The following FAM114A1 variants were observed in gnomAD, a reference collection of about 807,000 sequenced individuals.
FAM114A1 encodes family with sequence similarity 114 member A1.
In FAM114A1, 62 loss-of-function variants were observed where a neutral mutation model predicts 64.3. The ratio of observed to expected loss-of-function variants is 0.96; its 90% CI spans 0.79 to 1.19. FAM114A1 has a LOEUF of 1.19. FAM114A1 is among the 50% of genes most tolerant of loss of function. The pLI is 0.00. For synonymous variants in FAM114A1, 254 were observed against 251.1 expected, an observed-to-expected ratio of 1.01 and a Z score of -0.11; for missense variants, 645 against 676.3, an observed-to-expected ratio of 0.95 and a Z score of 0.51.
At chr4:38,879,884 T>C (rs2890686) in intron 3 of FAM114A1, among the ~76,000 whole-genome samples, 42,119 of 151,644 alleles carry the variant, frequency 0.28, 6,201 homozygotes, top group African/African-American at 0.32. Context: ...GCCTGGGCAA[T>C]GTGGCGAACC....
chr4:38,897,951 A>C (rs910752813), intron 4 of FAM114A1, among the ~76,000 whole-genome samples: 67 of 152,132 alleles, frequency 4.4e-4, no homozygotes, highest in Non-Finnish European at 4.9e-4. Context: ...GTTTCAAAAA[A>C]AAAAAAAGAA....
chr4:38,940,877 T>A, intron 13 of FAM114A1, 91 bp from the exon 14 acceptor site: 1 of 1,314,642 alleles, frequency 7.6e-7, no homozygotes. Flanking sequence ...CTGCAAGAGA[T>A]CCCTCAACAA....
chr4:38,924,020 C>T lies in FAM114A1; in HGVS notation c.1069+1127C>T, dbSNP rs987607408. On this transcript the variant is annotated intron_variant, in intron 9 of 14. Coordinates refer to ENST00000358869, the MANE Select transcript of FAM114A1 (RefSeq NM_138389.4). ...AGGTTATGCTGAAAGGTCAGACAAC[C>T]TCAGAGACAGGTCTGGCTTCTCCTA... Among the ~76,000 whole-genome samples, 9 of 152,304 alleles carry T rather than the reference C, an allele frequency of 5.9e-5. No individual in the cohort carries two copies. The East Asian group carries it at 9.6e-4, about 16-fold the overall frequency.
intron 3 of FAM114A1, among the ~76,000 whole-genome samples, chr4:38,880,090 A>AGTAGAATAGAGTAGAGTAGAATAG (rs3067658): frequency 2.2e-5 from 2 of 92,942 alleles, no homozygotes; most frequent in African/African-American, 7.1e-5. Flanking sequence ...AAATAAAATA[A>AGTAGAATAGAGTAGAGTAGAATAG]AATAAAATAA....
intron 7 of FAM114A1, among the ~76,000 whole-genome samples, chr4:38,912,312 A>C (rs1441512739): frequency 6.6e-6 from 1 of 152,084 alleles, no homozygotes; most frequent in Non-Finnish European, 1.5e-5. Flanking sequence ...CTCTAGTGGG[A>C]AAATAGAACC....
chr4:38,879,019 C>G (rs1027092370), intron 3 of FAM114A1, among the ~76,000 whole-genome samples: 3 of 152,224 alleles, frequency 2.0e-5, no homozygotes, highest in Non-Finnish European at 2.9e-5. Flanking sequence ...CACCCCTCCC[C>G]TTTCAGTGCC....
At chr4:38,887,974 G>C (rs1715978200) in intron 3 of FAM114A1, among the ~76,000 whole-genome samples, 1 of 152,090 alleles carries the variant, frequency 6.6e-6, no homozygotes, top group South Asian at 2.1e-4. Context: ...CTGGATACAA[G>C]TTATACGCAG....
At chr4:38,896,079 G>A (rs549314881) in intron 4 of FAM114A1, among the ~76,000 whole-genome samples, 30 of 152,224 alleles carry the variant, frequency 2.0e-4, no homozygotes, top group African/African-American at 6.7e-4. Flanking sequence ...ATTTTGAAAA[G>A]CAAGGAAATC....
chr4:38,898,048 C>T (rs1049030079), intron 4 of FAM114A1, among the ~76,000 whole-genome samples: 3 of 151,948 alleles, frequency 2.0e-5, no homozygotes, highest in Admixed American at 6.6e-5. Flanking sequence ...TATTACTAGG[C>T]TAAGAGTGAT....
intron 8 of FAM114A1, among the ~76,000 whole-genome samples, chr4:38,921,415 T>C (rs1382660681): frequency 6.6e-6 from 1 of 151,482 alleles, no homozygotes; most frequent in Non-Finnish European, 1.5e-5. Context: ...GCACCAGCAT[T>C]CCTGGCTAAT....
chr4:38,920,259 A>T (rs1719462007), intron 8 of FAM114A1, among the ~76,000 whole-genome samples: 1 of 152,024 alleles, frequency 6.6e-6, no homozygotes, highest in South Asian at 2.1e-4. Context: ...TATACTCCAC[A>T]GTTAGGAATA....
intron 2 of FAM114A1, among the ~76,000 whole-genome samples, chr4:38,877,800 A>G (rs1423249975): frequency 6.6e-6 from 1 of 152,162 alleles, no homozygotes; most frequent in Non-Finnish European, 1.5e-5. Context: ...CCCCGTTTCT[A>G]CTAAAAACAC....
chr4:38,887,617 A>G (rs1182415503), intron 3 of FAM114A1, among the ~76,000 whole-genome samples: 1 of 152,192 alleles, frequency 6.6e-6, no homozygotes, highest in Non-Finnish European at 1.5e-5. Flanking sequence ...AAAAACTGTC[A>G]CTCTAATAGG....
intron 13 of FAM114A1, chr4:38,938,691 CTTGTTACCCTT>C (rs1560337245): frequency 3.9e-5 from 6 of 152,162 alleles, no homozygotes; most frequent in African/African-American, 1.4e-4. Flanking sequence ...ATTGCACCCT[CTTGTTACCCTT>C]TTCACAGTTT....
chr4:38,939,675 A>G (rs1472217984), intron 13 of FAM114A1, among the ~76,000 whole-genome samples: 1 of 152,122 alleles, frequency 6.6e-6, no homozygotes, highest in Non-Finnish European at 1.5e-5. Flanking sequence ...CTGGGAAGAT[A>G]TATTTAATTT....
chr4:38,889,396 G>GA lies in FAM114A1; in HGVS notation c.349-2337dup, dbSNP rs541128621. Among the ~76,000 whole-genome samples, 26 of 148,398 alleles carry GA rather than the reference G, an allele frequency of 1.8e-4. No individual in the cohort carries two copies. The South Asian group carries it at 2.3e-3, about 13-fold the overall frequency. ...GCTTCTCATTGTTTCCAGACAGAAA[G>GA]AAAAAAAAAATGACAGCTAACTTTC... is the stretch of plus-strand genomic sequence containing the variant. On this transcript the variant is annotated intron_variant, in intron 3 of 14. Coordinates refer to ENST00000358869, the MANE Select transcript of FAM114A1 (RefSeq NM_138389.4).
chr4:38,868,285 C>G (rs539204730), intron 1 of FAM114A1, 113 bp from the exon 2 acceptor site: 1 of 156,676 alleles, frequency 6.4e-6, no homozygotes, highest in East Asian at 1.9e-4. Flanking sequence ...ACGAAGGGAG[C>G]AGGTCCCTGT....
At chr4:38,928,132 A>G (rs901488321) in intron 9 of FAM114A1, among the ~76,000 whole-genome samples, 1 of 148,930 alleles carries the variant, frequency 6.7e-6, no homozygotes, top group Non-Finnish European at 1.5e-5. Context: ...CATTTTGTCC[A>G]TAAAACAGAA....
chr4:38,939,094 G>T (rs895952557), intron 13 of FAM114A1, among the ~76,000 whole-genome samples: 3 of 152,168 alleles, frequency 2.0e-5, no homozygotes, highest in African/African-American at 7.2e-5. Context: ...GCAGTCAGGT[G>T]ATGACAATGT....
Sources: gnomAD v4.1 joint callset for allele counts (sites outside exome capture counted in the v4.1 genomes callset) on GRCh38, gnomAD v4.1.1 for gene constraint, MANE v1.5 for transcripts, NCBI Gene and HGNC (gene_info 2026-07-23, HGNC 2026-07-21) for gene names.